Variants in PACSIN1 observed in about 807,000 individuals in gnomAD.
PACSIN1 encodes the protein protein kinase C and casein kinase substrate in neurons protein 1.
Under a neutral mutation model 59.5 loss-of-function variants are expected in PACSIN1, and 15 were observed. The observed-to-expected ratio is 0.25, with a 90% confidence interval of 0.17 to 0.39. The LOEUF is 0.39. Among genes scored for constraint, PACSIN1 ranks in the 10% least tolerant of loss-of-function variants. The pLI, the probability that PACSIN1 is intolerant of heterozygous loss-of-function variation, is 1.00. For missense variants in PACSIN1, 420 were observed against 580.2 expected, an observed-to-expected ratio of 0.72 and a Z score of 2.84; for synonymous variants, 210 against 220.6, an observed-to-expected ratio of 0.95 and a Z score of 0.42.
chr6:34,516,556 G>A lies in PACSIN1; in HGVS notation c.-63-9687G>A, dbSNP rs577841567. On this transcript the variant is annotated intron_variant, in intron 1 of 9. Coordinates refer to ENST00000244458, the MANE Select transcript of PACSIN1 (RefSeq NM_020804.5). This position sits in a 1 kb window ranked among gnomAD's most constrained non-coding sequence, Gnocchi z 5.4. ...TGGCCTCAGTTGCCCGTCAGCGGCCGCCCCCACCTCCACTGGAGCAGGGGC... is the reference window on the plus strand; with the variant it reads ...TGGCCTCAGTTGCCCGTCAGCGGCCACCCCCACCTCCACTGGAGCAGGGGC... Among the ~76,000 whole-genome samples, 17 of 152,276 alleles carry A rather than the reference G, an allele frequency of 1.1e-4. No homozygotes were observed. In the South Asian group the frequency reaches 2.5e-3, roughly 22 times the overall value.
intron 1 of PACSIN1, among the ~76,000 whole-genome samples, chr6:34,509,537 G>T (rs1164837856): frequency 2.0e-5 from 3 of 151,908 alleles, no homozygotes; most frequent in African/African-American, 7.3e-5. Context: ...AATATTTTTT[G>T]GCTATTTTGG....
rs2127272532 is a variant in PACSIN1 at position 34,525,792 on chromosome 6, T to C, written c.-63-451T>C. ...TCCCATAGATCTCGGTGGTGTGACC[T>C]GTGGGCCAGGACACCACACATTTGG... On this transcript the variant is annotated intron_variant, in intron 1 of 9. Coordinates refer to ENST00000244458, the MANE Select transcript of PACSIN1 (RefSeq NM_020804.5). The surrounding 1 kb of genome is among the most constrained non-coding windows in gnomAD (Gnocchi z 4.9). Among the ~76,000 whole-genome samples the C allele has an allele frequency of 6.8e-6, 1 of 146,900 alleles. No homozygotes were observed. The highest frequency in any genetic ancestry group is 2.5e-5 in the African/African-American group (1 of 39,688).
intron 1 of PACSIN1, among the ~76,000 whole-genome samples, chr6:34,505,025 G>A (rs970230826): frequency 6.6e-6 from 1 of 151,582 alleles, no homozygotes; most frequent in African/African-American, 2.4e-5. Flanking sequence ...TAGGAATGAG[G>A]TCTCTGTTGG....
chr6:34,526,100 G>A (rs1767476831), intron 1 of PACSIN1, 143 bp from the exon 2 acceptor site: 1 of 567,798 alleles, frequency 1.8e-6, no homozygotes, highest in Non-Finnish European at 3.1e-6. Flanking sequence ...ACCTAAGTCT[G>A]GTGAGTTAGT....
chr6:34,520,640 C>G (rs1010031542), intron 1 of PACSIN1, among the ~76,000 whole-genome samples: 1 of 152,218 alleles, frequency 6.6e-6, no homozygotes, highest in Non-Finnish European at 1.5e-5. Flanking sequence ...GAGGCGCTCA[C>G]AATGGCACAC....
intron 1 of PACSIN1, among the ~76,000 whole-genome samples, chr6:34,491,605 ATTTTC>A (rs1766877869): frequency 6.8e-6 from 1 of 146,874 alleles, no homozygotes; most frequent in South Asian, 2.2e-4. Flanking sequence ...AATGCACCAC[ATTTTC>A]TTTTCTTTTT....
chr6:34,498,401 T>C (rs1372265559), intron 1 of PACSIN1, among the ~76,000 whole-genome samples: 2 of 152,074 alleles, frequency 1.3e-5, no homozygotes, highest in African/African-American at 4.8e-5. Flanking sequence ...TATTTTGTTA[T>C]TGAGTTGTAG....
chr6:34,506,103 T>G (rs1767110687), intron 1 of PACSIN1, among the ~76,000 whole-genome samples: 1 of 152,256 alleles, frequency 6.6e-6, no homozygotes, highest in South Asian at 2.1e-4. Flanking sequence ...CGATGGCAGC[T>G]TTAAAAATCC....
At chr6:34,487,327 G>A (rs1039903759) in intron 1 of PACSIN1, among the ~76,000 whole-genome samples, 3 of 152,194 alleles carry the variant, frequency 2.0e-5, no homozygotes, top group Non-Finnish European at 4.4e-5. Context: ...CCAGTCTTCT[G>A]ACTGTCAGGA....
rs528755236 is a variant in PACSIN1 at position 34,521,746 on chromosome 6, C to T, written c.-63-4497C>T. ...GTGGTGGATGGATAGTAAGCGCCGA[C>T]ACCTGTGGAGAGCTCGCCGTGTGTC... On this transcript the variant is annotated intron_variant, in intron 1 of 9. Transcript: ENST00000244458. The surrounding 1 kb of genome is among the most constrained non-coding windows in gnomAD (Gnocchi z 4.3). 6.6e-6 allele frequency among the ~76,000 whole-genome samples: 1 copy of T among 152,238 alleles called. No homozygotes were observed. The highest frequency in any genetic ancestry group is 1.9e-4 in the East Asian group (1 of 5,168).
Position 34,515,833 on chromosome 6 carries a change from T to G in PACSIN1, c.-63-10410T>G, listed in dbSNP as rs1767282233. ...GCATTGCTCCTGGGGACAGACTCGCTGCTGCTGGGGGAGCTCTTGGGCACT... is the reference window on the plus strand; with the variant it reads ...GCATTGCTCCTGGGGACAGACTCGCGGCTGCTGGGGGAGCTCTTGGGCACT... On this transcript the variant is annotated intron_variant, in intron 1 of 9. Transcript: ENST00000244458. The surrounding 1 kb of genome is among the most constrained non-coding windows in gnomAD (Gnocchi z 4.4). Among the ~76,000 whole-genome samples the G allele has an allele frequency of 6.6e-6, 1 of 152,156 alleles. No homozygotes were observed. The highest frequency in any genetic ancestry group is 1.5e-5 in the Non-Finnish European group (1 of 68,016).
At chr6:34,512,881 T>C (rs1177754630) in intron 1 of PACSIN1, among the ~76,000 whole-genome samples, 3 of 152,246 alleles carry the variant, frequency 2.0e-5, no homozygotes, top group Admixed American at 2.0e-4. Flanking sequence ...AATCCCAGCC[T>C]ATCCACTGGC....
At chr6:34,522,011 G>A (rs562751363) in intron 1 of PACSIN1, among the ~76,000 whole-genome samples, 2 of 152,292 alleles carry the variant, frequency 1.3e-5, no homozygotes, top group South Asian at 2.1e-4. Context: ...GTAGCTGCGC[G>A]ATCTTGGCTT....
intron 1 of PACSIN1, among the ~76,000 whole-genome samples, chr6:34,512,032 AGTGT>A (rs147564267): frequency 3.3e-5 from 5 of 151,186 alleles, no homozygotes; most frequent in Non-Finnish European, 7.4e-5. Context: ...TTGGGCATGG[AGTGT>A]GTGTGTGTGT....
At chr6:34,527,215 G>A in intron 2 of PACSIN1, 117 bp from the exon 3 acceptor site, 2 of 1,080,398 alleles carry the variant, frequency 1.9e-6, no homozygotes, top group Non-Finnish European at 2.4e-6. Flanking sequence ...CGGGGACGGC[G>A]AGGCCGTAAG....
rs58616178 is a variant in PACSIN1, at chr6:34,478,061, CTT to C, written c.-64+11806_-64+11807del. On this transcript the variant is annotated intron_variant, in intron 1 of 9. Transcript: ENST00000244458. ...AGCCACCATGCCCAGCCCCTTTATC[CTT>C]TTTTTTTTTTTTTTGAGACAAAGTC... Among the ~76,000 whole-genome samples, 200 of 114,482 alleles carry C rather than the reference CTT, an allele frequency of 1.7e-3. 1 individual carries two copies. Among genetic ancestry groups the C allele is most frequent in the African/African-American group, 5.0e-3 (154 of 30,612 alleles). 75.1% of individuals were successfully genotyped at this position (114,482 alleles called of 152,430 possible). A position where few individuals can be genotyped will look rare whatever the true frequency, so the allele number is the denominator to read the frequency against.
At chr6:34,500,308 A>G (rs1428399877) in intron 1 of PACSIN1, among the ~76,000 whole-genome samples, 4 of 152,234 alleles carry the variant, frequency 2.6e-5, no homozygotes, top group Non-Finnish European at 5.9e-5. Flanking sequence ...GCAAATAAAA[A>G]TAATAAAATT....
rs771259166 is a variant in PACSIN1 at position 34,518,046 on chromosome 6, G to A, written c.-63-8197G>A. Among the ~76,000 whole-genome samples, 5 of 152,214 alleles carry A rather than the reference G, an allele frequency of 3.3e-5. No homozygotes were observed. Among genetic ancestry groups the A allele is most frequent in the Non-Finnish European group, 7.3e-5 (5 of 68,040 alleles). The stretch of plus-strand genomic sequence containing the variant: ...CACCTACCTGAGCCATTGCCTCAGG[G>A]ACATTGGGTTGGACAGGACACTGGG... On this transcript the variant is annotated intron_variant, in intron 1 of 9. Transcript: ENST00000244458. This position sits in a 1 kb window ranked among gnomAD's most constrained non-coding sequence, Gnocchi z 4.4.
chr6:34,527,907 C>T (rs1767519475), intron 3 of PACSIN1, among the ~76,000 whole-genome samples: 1 of 152,184 alleles, frequency 6.6e-6, no homozygotes, highest in Non-Finnish European at 1.5e-5. Flanking sequence ...AGAACAAGAG[C>T]ATTTGCTTAA....
Sources: gnomAD v4.1 joint callset for allele counts (sites outside exome capture counted in the v4.1 genomes callset) on GRCh38, gnomAD v4.1.1 for gene constraint, Gnocchi (gnomAD v3.1) non-coding constraint, MANE v1.5 for transcripts, NCBI Gene and HGNC (gene_info 2026-07-23, HGNC 2026-07-21) for gene names.